Variants in UBXN2A observed in about 807,000 individuals in gnomAD.
The protein encoded by UBXN2A is UBX domain protein 2A.
Under a neutral mutation model 28.4 loss-of-function variants are expected in UBXN2A, and 28 were observed. The observed-to-expected ratio is 0.99, with a 90% CI of 0.73 to 1.35. The LOEUF (loss-of-function observed/expected upper bound fraction) is 1.35. Ranked by LOEUF, UBXN2A falls within the 40% of genes most tolerant of loss-of-function variation. UBXN2A has a pLI of 0.00. For synonymous variants in UBXN2A, 97 were observed against 103.6 expected (o/e 0.94, Z 0.39); for missense variants, 253 against 297.9 (o/e 0.85, Z 1.11).
rs779063327 is a variant in UBXN2A at position 24,002,635 on chromosome 2, C to G, written c.*2768C>G. ...ATGTTGGCCTGGCTGGCCTCTAACT[C>G]GTAACCTCAGGTGATCCGCCCGCCT... On this transcript the variant is annotated 3_prime_UTR_variant, in exon 7 of 7. Coordinates refer to ENST00000309033, the MANE Select transcript of UBXN2A (RefSeq NM_181713.4). The G allele has an allele frequency of 6.6e-6, 1 of 152,160 alleles. No individual in the cohort carries two copies. The highest frequency in any genetic ancestry group is 1.5e-5 in the Non-Finnish European group (1 of 68,078). The allele number at this position is 152,160 out of a possible 1,614,324, so 9.4% of individuals were successfully genotyped here.
At chr2:23,967,508 A>G (rs1486994336) in intron 2 of UBXN2A, among the ~76,000 whole-genome samples, 5 of 152,198 alleles carry the variant, frequency 3.3e-5, no homozygotes, top group Admixed American at 3.3e-4. Context: ...GCTTTTATAT[A>G]TATTTTCATT....
chr2:23,934,881 C>T (rs534481805), intron 1 of UBXN2A, among the ~76,000 whole-genome samples: 1 of 152,264 alleles, frequency 6.6e-6, no homozygotes, highest in African/African-American at 2.4e-5. Context: ...CAAGACCAGC[C>T]TGGCCAACGT....
chr2:23,930,872 TA>T (rs1175450934), intron 1 of UBXN2A, among the ~76,000 whole-genome samples: 2 of 150,286 alleles, frequency 1.3e-5, no homozygotes, highest in African/African-American at 2.4e-5. Context: ...AAATAAAATT[TA>T]AAAAAAAAGG....
chr2:23,962,930 T>G (rs1706998604), intron 2 of UBXN2A, among the ~76,000 whole-genome samples: 1 of 152,122 alleles, frequency 6.6e-6, no homozygotes, highest in South Asian at 2.1e-4. Flanking sequence ...TTAATTGGAC[T>G]TACAGTTCCG....
exon 1 of UBXN2A, chr2:23,927,498 G>GA (rs1262234584): frequency 6.5e-6 from 1 of 152,856 alleles, no homozygotes; most frequent in East Asian, 1.9e-4. Context: ...AGCTGACTGG[G>GA]AATCCCCAAG....
intron 1 of UBXN2A, among the ~76,000 whole-genome samples, chr2:23,934,685 A>G (rs1207223190): frequency 1.3e-5 from 2 of 152,254 alleles, no homozygotes; most frequent in African/African-American, 2.4e-5. Context: ...GTACACTTAT[A>G]ACTAAAAAGT....
rs779094603 is a variant in UBXN2A, at chr2:23,982,972, A to C, written c.364A>C (p.Ile122Leu). 1 of 1,612,066 alleles carries C rather than the reference A, an allele frequency of 6.2e-7. No homozygotes were observed. The highest frequency in any genetic ancestry group is 8.5e-7 in the Non-Finnish European group (1 of 1,178,962). The change falls in exon 5 of 7, where the codon ATA becomes CTA. Residue 122 changes from isoleucine to leucine, a missense_variant. By Grantham distance (5) the Ile-to-Leu change is conservative. Coordinates refer to ENST00000309033, the MANE Select transcript of UBXN2A (RefSeq NM_181713.4). ...DVKVEDKKNE[I>L]CLSTKPVFQP... ...TAAAGTTGAAGACAAGAAAAATGAA[A>C]TATGTTTGTCTACGAAGCCTGTGTT...
chr2:23,937,391 T>A (rs977259087), upstream of UBXN2A, among the ~76,000 whole-genome samples: 1 of 151,838 alleles, frequency 6.6e-6, no homozygotes, highest in Non-Finnish European at 1.5e-5. Flanking sequence ...CAAAAAAAAT[T>A]TTTTTTTAAT....
rs551936781 is a variant in UBXN2A at position 23,948,172 on chromosome 2, G to A, written c.-15+7524G>A. Among the ~76,000 whole-genome samples the A allele has an allele frequency of 4.6e-5, 7 of 151,516 alleles. No homozygotes were observed. The South Asian group carries it at 1.3e-3, about 27-fold the overall frequency. On this transcript the variant is annotated intron_variant, in intron 1 of 6. Transcript: ENST00000309033. ...GCCGGGCTTTTAAAAAGTTTAATTC[G>A]TGAAATCAAAAGTAAAATTTCATAA... is the stretch of plus-strand genomic sequence containing the variant.
chr2:23,941,589 G>A (rs1359574763), intron 1 of UBXN2A, among the ~76,000 whole-genome samples: 10 of 152,156 alleles, frequency 6.6e-5, no homozygotes, highest in Non-Finnish European at 1.3e-4. Flanking sequence ...TTTTCAGCTG[G>A]GCACTGTGGA....
chr2:23,954,917 C>T (rs1009818630), intron 1 of UBXN2A, among the ~76,000 whole-genome samples: 1 of 150,910 alleles, frequency 6.6e-6, no homozygotes, highest in African/African-American at 2.4e-5. Flanking sequence ...TGCCACTGTG[C>T]CCAGCTTGCC....
At chr2:23,945,263 C>T (rs1418626668) in intron 1 of UBXN2A, among the ~76,000 whole-genome samples, 1 of 152,146 alleles carries the variant, frequency 6.6e-6, no homozygotes, top group Non-Finnish European at 1.5e-5. Context: ...ACTGTTGTCA[C>T]TACCACTTTG....
intron 1 of UBXN2A, among the ~76,000 whole-genome samples, chr2:23,947,569 G>A (rs1450825461): frequency 6.6e-6 from 1 of 152,070 alleles, no homozygotes; most frequent in Non-Finnish European, 1.5e-5. Context: ...TCACTCAATT[G>A]ATATAAATAA....
chr2:23,961,948 A>G (rs1371288645), intron 2 of UBXN2A, among the ~76,000 whole-genome samples: 36 of 139,540 alleles, frequency 2.6e-4, no homozygotes, highest in Middle Eastern at 4.4e-3. Flanking sequence ...AGGTTCAAGC[A>G]ATTCTCCTGC....
At chr2:23,985,243 TTTTA>T (rs765089208) in intron 6 of UBXN2A, among the ~76,000 whole-genome samples, 4 of 151,370 alleles carry the variant, frequency 2.6e-5, no homozygotes, top group African/African-American at 9.7e-5. Flanking sequence ...CTGCCAAGCA[TTTTA>T]TTTATTTATT....
intron 6 of UBXN2A, among the ~76,000 whole-genome samples, chr2:23,992,816 C>T (rs1481692949): frequency 1.3e-5 from 2 of 152,136 alleles, no homozygotes; most frequent in African/African-American, 2.4e-5. Flanking sequence ...GTATATTTTT[C>T]TACTTACTTT....
At chr2:23,941,775 T>C (rs148057122) in intron 1 of UBXN2A, among the ~76,000 whole-genome samples, 142 of 152,280 alleles carry the variant, frequency 9.3e-4, no homozygotes, top group African/African-American at 3.2e-3. Context: ...AAAACAGATA[T>C]TAAGCAAATA....
intron 3 of UBXN2A, among the ~76,000 whole-genome samples, chr2:23,973,828 C>T (rs1254455381): frequency 1.3e-5 from 2 of 151,836 alleles, no homozygotes; most frequent in Non-Finnish European, 2.9e-5. Flanking sequence ...GACGGGGTTT[C>T]ACCATGTTGG....
intron 3 of UBXN2A, among the ~76,000 whole-genome samples, chr2:23,972,462 G>A (rs762944974): frequency 1.3e-5 from 2 of 152,048 alleles, no homozygotes; most frequent in African/African-American, 4.8e-5. Context: ...TATTCTTTGC[G>A]TATACTTCCA....
Sources: allele counts gnomAD v4.1 joint callset (sites outside exome capture counted in the v4.1 genomes callset), GRCh38; gene constraint gnomAD v4.1.1; transcripts MANE v1.5; gene names NCBI Gene and HGNC (gene_info 2026-07-23, HGNC 2026-07-21).